CHD9: variants seen among roughly 807,000 people sequenced by gnomAD.
The protein encoded by CHD9 is chromodomain helicase DNA binding protein 9.
Under a neutral mutation model 316.1 loss-of-function variants are expected in CHD9, and 77 were observed. The observed-to-expected ratio is 0.24, with a 90% confidence interval of 0.20 to 0.29. CHD9 has a LOEUF of 0.29. CHD9 is among the 10% of genes least tolerant of loss of function. CHD9 has a pLI of 1.00. For missense variants in CHD9, 2,763 were observed against 3,438.1 expected, an observed-to-expected ratio of 0.80 and a Z score of 4.91; for synonymous variants, 1,129 against 1,158.3, an observed-to-expected ratio of 0.97 and a Z score of 0.51.
intron 11 of CHD9, 35 bp from the exon 12 acceptor site, chr16:53,238,308 A>G: frequency 6.5e-7 from 1 of 1,541,662 alleles, no homozygotes; most frequent in Non-Finnish European, 8.8e-7. Flanking sequence ...AAAAAAACCC[A>G]ATGTATGCAT....
rs118053466 is a variant in CHD9, at chr16:53,324,186, G to C, written c.7985G>C (p.Gly2662Ala). Residue 2662 changes from glycine (G) to alanine (A), a missense_variant, in exon 39 of 39, where the codon GGA (glycine) becomes GCA (alanine). Physicochemically the swap from Gly to Ala is moderately conservative, Grantham distance 60 (BLOSUM62 0). Transcript: ENST00000447540. ...SVSGNPLLAN[G>A]LLPGVDLTTL... ...TCAGGCAATCCTTTGTTAGCCAATG[G>C]ACTACTTCCAGGTGTGGATCTCACA... is the stretch of plus-strand genomic sequence containing the variant. The C allele has an allele frequency of 3.2e-5, 52 of 1,613,980 alleles. No individual in the cohort carries two copies. Among genetic ancestry groups the C allele is most frequent in the Non-Finnish European group, 4.2e-5 (49 of 1,179,902 alleles).
intron 2 of CHD9, among the ~76,000 whole-genome samples, chr16:53,200,778 A>G (rs2045388232): frequency 6.6e-6 from 1 of 152,244 alleles, no homozygotes; most frequent in South Asian, 2.1e-4. Context: ...TACATGGAGA[A>G]TAAATTGGCA....
chr16:53,285,613 T>C lies in CHD9; in HGVS notation c.4985T>C (p.Val1662Ala), dbSNP rs775613178. ...TTTTAAAGTGACATTGATGTTTGGGTACCAGAACCAGACCACTCAGAAGTT... is the reference window on the plus strand; with the variant it reads ...TTTTAAAGTGACATTGATGTTTGGGCACCAGAACCAGACCACTCAGAAGTT... ...GVDASDIDVWVPEPDHSEVPA... is the reference protein window; with the variant it reads ...GVDASDIDVWAPEPDHSEVPA... The change falls in exon 25 of 39, where the codon GTA (valine) becomes GCA (alanine). Residue 1662 changes from valine (V) to alanine (A), a missense_variant. Val to Ala is a moderately conservative substitution (Grantham distance 64). Coordinates refer to ENST00000447540, the MANE Select transcript of CHD9 (RefSeq NM_001308319.2). The C allele has an allele frequency of 6.2e-7, 1 of 1,601,424 alleles. No homozygotes were observed. The highest frequency in any genetic ancestry group is 1.7e-5 in the Admixed American group (1 of 58,382).
At chr16:53,274,992 G>C (rs1211096516) in intron 24 of CHD9, among the ~76,000 whole-genome samples, 1 of 152,052 alleles carries the variant, frequency 6.6e-6, no homozygotes, top group Non-Finnish European at 1.5e-5. Context: ...ATGGAAACTA[G>C]ATGCCATTAA....
chr16:53,297,530 G>A (rs950736628), intron 30 of CHD9, among the ~76,000 whole-genome samples: 1 of 152,126 alleles, frequency 6.6e-6, no homozygotes, highest in African/African-American at 2.4e-5. Context: ...AATTTTGCAA[G>A]GAATGAAGCC....
chr16:53,176,635 A>G (rs775970390), intron 2 of CHD9, among the ~76,000 whole-genome samples: 7 of 152,164 alleles, frequency 4.6e-5, no homozygotes, highest in African/African-American at 7.2e-5. Context: ...TGAAAAGCCT[A>G]TTTGAGTACC....
chr16:53,255,526 C>T lies in CHD9; in HGVS notation c.4030-74C>T, dbSNP rs1232991801. 7 of 1,351,500 alleles carry T rather than the reference C, an allele frequency of 5.2e-6. No individual in the cohort carries two copies. The Admixed American group carries it at 1.3e-4, about 25-fold the overall frequency. 83.7% of individuals were successfully genotyped at this position (1,351,500 alleles called of 1,614,324 possible). On this transcript the variant is annotated intron_variant, in intron 18 of 38. Coordinates refer to ENST00000447540, the MANE Select transcript of CHD9 (RefSeq NM_001308319.2). Reference sequence around the variant, plus strand: ...TAAGCATGCCTCTTGTGTTCTTTGACATCCTTTAGGGATACTTTCTCACTT... The same window carrying T: ...TAAGCATGCCTCTTGTGTTCTTTGATATCCTTTAGGGATACTTTCTCACTT...
At chr16:53,110,257 C>T (rs1034349280) in intron 1 of CHD9, among the ~76,000 whole-genome samples, 1 of 152,208 alleles carries the variant, frequency 6.6e-6, no homozygotes, top group African/African-American at 2.4e-5. Context: ...ATAGAGAAGA[C>T]AATCCAGTTT....
intron 30 of CHD9, chr16:53,299,007 A>G (rs2055088115): frequency 6.0e-6 from 1 of 166,304 alleles, no homozygotes; most frequent in Non-Finnish European, 1.4e-5. Context: ...TTACAACCTT[A>G]TCATTTTCAG....
chr16:53,058,031 G>T (rs1336748926), intron 1 of CHD9, among the ~76,000 whole-genome samples: 1 of 152,150 alleles, frequency 6.6e-6, no homozygotes, highest in Admixed American at 6.5e-5. Context: ...CTTCGTTCAG[G>T]CATGAGTTAT....
At chr16:53,114,866 C>T (rs1311810478) in intron 1 of CHD9, among the ~76,000 whole-genome samples, 1 of 152,194 alleles carries the variant, frequency 6.6e-6, no homozygotes, top group African/African-American at 2.4e-5. Context: ...GGATTACAGG[C>T]GTGAGCCACC....
chr16:53,264,286 G>A (rs1036974795), intron 20 of CHD9, among the ~76,000 whole-genome samples: 9 of 151,738 alleles, frequency 5.9e-5, no homozygotes, highest in African/African-American at 1.5e-4. Context: ...CTCAGGAATC[G>A]GCCCTGCAGC....
chr16:53,295,531 A>G (rs1337134763), intron 29 of CHD9, among the ~76,000 whole-genome samples: 3 of 152,228 alleles, frequency 2.0e-5, no homozygotes, highest in Non-Finnish European at 4.4e-5. Flanking sequence ...ATAATATAAG[A>G]TATTGTAATG....
At chr16:53,167,132 A>G (rs888118789) in intron 2 of CHD9, among the ~76,000 whole-genome samples, 5 of 152,142 alleles carry the variant, frequency 3.3e-5, no homozygotes, top group African/African-American at 4.8e-5. Context: ...ATAAAATACA[A>G]TTGTACCTGG....
chr16:53,176,040 G>A (rs1298814444), intron 2 of CHD9, among the ~76,000 whole-genome samples: 5 of 152,330 alleles, frequency 3.3e-5, no homozygotes, highest in Admixed American at 2.0e-4. Context: ...TCCTGCTGTT[G>A]TAATAAGTTA....
intron 36 of CHD9, among the ~76,000 whole-genome samples, chr16:53,317,357 T>C (rs912577637): frequency 6.6e-6 from 1 of 152,162 alleles, no homozygotes; most frequent in African/African-American, 2.4e-5. Flanking sequence ...TGAGTGTTGA[T>C]TTCCTGAAAA....
rs141437950 is a variant in CHD9, at chr16:53,253,484, T to C, written c.3862-954T>C. Among the ~76,000 whole-genome samples the C allele has an allele frequency of 9.2e-5, 14 of 152,202 alleles. 1 individual carries two copies. Among genetic ancestry groups the C allele is most frequent in the Admixed American group, 2.6e-4 (4 of 15,286 alleles). On this transcript the variant is annotated intron_variant, in intron 17 of 38. Transcript: ENST00000447540. The stretch of plus-strand genomic sequence containing the variant: ...GGCAAGGGATAAAATACTGCAAATA[T>C]AGTGCAGTGTATACTGCTTAGGTGA...
intron 1 of CHD9, among the ~76,000 whole-genome samples, chr16:53,128,475 C>T (rs1443878914): frequency 1.3e-5 from 2 of 152,044 alleles, no homozygotes; most frequent in African/African-American, 4.8e-5. Context: ...AGCCACCACG[C>T]CTGGCCCGGA....
At chr16:53,168,206 C>T (rs942907688) in intron 2 of CHD9, among the ~76,000 whole-genome samples, 4 of 151,976 alleles carry the variant, frequency 2.6e-5, no homozygotes, top group Admixed American at 6.5e-5. Context: ...GAACTACAGG[C>T]GCCTGCCATC....
Sources: allele counts gnomAD v4.1 joint callset (sites outside exome capture counted in the v4.1 genomes callset), GRCh38; gene constraint gnomAD v4.1.1; transcripts MANE v1.5; gene names NCBI Gene and HGNC (gene_info 2026-07-23, HGNC 2026-07-21).